Variants in DDX1 observed in about 807,000 individuals in gnomAD.
DDX1 encodes the protein ATP-dependent RNA helicase DDX1.
A neutral mutation model predicts 108.7 loss-of-function variants in DDX1; 28 were observed. That is an observed-to-expected ratio of 0.26 (90% CI 0.19 to 0.35). The LOEUF (loss-of-function observed/expected upper bound fraction) is 0.35, where lower values mean the gene tolerates loss of function less well. Among genes scored for constraint, DDX1 ranks in the 10% least tolerant of loss-of-function variants. The pLI is 1.00. For missense variants in DDX1, 710 were observed against 884.5 expected (o/e 0.80, Z 2.50); for synonymous variants, 295 against 288.9 (o/e 1.02, Z -0.21).
intron 12 of DDX1, 48 bp downstream of exon 12, chr2:15,606,312 G>A (rs1416354437): frequency 7.4e-7 from 1 of 1,357,794 alleles, no homozygotes; most frequent in Non-Finnish European, 1.0e-6. Context: ...GAGAATAATT[G>A]ATGAGAACTC....
intron 20 of DDX1, 61 bp downstream of exon 20, chr2:15,627,206 AGCAGTTTTAATTAAT>A: frequency 1.0e-6 from 1 of 974,314 alleles, no homozygotes; most frequent in Admixed American, 2.4e-5. Flanking sequence ...TCTAGTTTTA[AGCAGTTTTAATTAAT>A]ATTATTAAAG....
Position 15,628,356 on chromosome 2 carries a change from A to G in DDX1, c.1687-89A>G, listed in dbSNP as rs186015366. The G allele has an allele frequency of 9.6e-5, 91 of 949,574 alleles. 1 individual carries two copies. The East Asian group carries it at 2.2e-3, about 22-fold the overall frequency. 58.8% of individuals were successfully genotyped at this position (949,574 alleles called of 1,614,324 possible). A position where few individuals can be genotyped will look rare whatever the true frequency, so the allele number is the denominator to read the frequency against. On this transcript the variant is annotated intron_variant, in intron 20 of 25. Coordinates refer to ENST00000233084, the MANE Select transcript of DDX1 (RefSeq NM_004939.3). ...CTGATAGTAACACTTGAGTTTTTAGAGGTCTCATTTAGTGGAAGGATAGCA... is the reference window on the plus strand; with the variant it reads ...CTGATAGTAACACTTGAGTTTTTAGGGGTCTCATTTAGTGGAAGGATAGCA...
rs144372187 is a variant in DDX1 at position 15,609,705 on chromosome 2, A to C, written c.956+2392A>C. 1.6e-3 allele frequency among the ~76,000 whole-genome samples: 247 copies of C among 152,244 alleles called. 3 individuals carry two copies. Among genetic ancestry groups the C allele is most frequent in the African/African-American group, 5.8e-3 (241 of 41,516 alleles). On this transcript the variant is annotated intron_variant, in intron 13 of 25. Coordinates refer to ENST00000233084, the MANE Select transcript of DDX1 (RefSeq NM_004939.3). ...ACCTTCTGCCAAGTTTATAGGGATA[A>C]ATATATCTGATTATAAATGTGGATA... is the stretch of plus-strand genomic sequence containing the variant.
intron 19 of DDX1, among the ~76,000 whole-genome samples, chr2:15,624,868 A>C (rs1666073332): frequency 6.6e-6 from 1 of 152,194 alleles, no homozygotes; most frequent in South Asian, 2.1e-4. Context: ...TGAGAATATA[A>C]AATGGTATGA....
intron 6 of DDX1, among the ~76,000 whole-genome samples, chr2:15,600,719 T>C (rs1420243084): frequency 6.6e-6 from 1 of 151,266 alleles, no homozygotes; most frequent in Non-Finnish European, 1.5e-5. Context: ...GACTGTATAC[T>C]TTTTTTCTTA....
At chr2:15,592,076 T>G (rs1369027463) in intron 1 of DDX1, 127 bp downstream of exon 1, 3 of 908,286 alleles carry the variant, frequency 3.3e-6, no homozygotes, top group Non-Finnish European at 4.5e-6. Context: ...CGCTGTCCGC[T>G]GCAGTCCCTG....
At chr2:15,597,696 C>T (rs1036241256) in intron 5 of DDX1, among the ~76,000 whole-genome samples, 1 of 152,154 alleles carries the variant, frequency 6.6e-6, no homozygotes, top group African/African-American at 2.4e-5. Flanking sequence ...TTTGAGAAAA[C>T]ACTAGCATTT....
intron 19 of DDX1, among the ~76,000 whole-genome samples, chr2:15,624,010 A>G (rs1286807685): frequency 2.0e-5 from 3 of 152,286 alleles, no homozygotes; most frequent in Admixed American, 2.0e-4. Context: ...ATTATAGAAT[A>G]AGATCAATGT....
chr2:15,604,218 C>T (rs759967829), intron 9 of DDX1, among the ~76,000 whole-genome samples: 34 of 152,154 alleles, frequency 2.2e-4, no homozygotes, highest in Admixed American at 1.4e-3. Flanking sequence ...AAATATAGTT[C>T]GTCTGGTGAG....
intron 5 of DDX1, among the ~76,000 whole-genome samples, chr2:15,597,745 C>CT (rs1177314735): frequency 6.6e-6 from 1 of 152,010 alleles, no homozygotes; most frequent in Non-Finnish European, 1.5e-5. Flanking sequence ...TTTTCTTAAC[C>CT]TTATAACTTT....
chr2:15,631,034 C>A lies in DDX1; in HGVS notation c.*128C>A. The A allele has an allele frequency of 3.8e-6, 3 of 785,908 alleles. No homozygotes were observed. The highest frequency in any genetic ancestry group is 3.4e-5 in the South Asian group (1 of 29,736). The allele number at this position is 785,908 out of a possible 1,614,324, so 48.7% of individuals were successfully genotyped here. On this transcript the variant is annotated 3_prime_UTR_variant, in exon 26 of 26. Coordinates refer to ENST00000233084, the MANE Select transcript of DDX1 (RefSeq NM_004939.3). ...GCTATTAATGCTAACTCTTGCATGT[C>A]AAGAAACATTAGTCTTAGGAATTCT...
At chr2:15,612,690 A>G (rs1665796225) in intron 13 of DDX1, among the ~76,000 whole-genome samples, 1 of 152,132 alleles carries the variant, frequency 6.6e-6, no homozygotes, top group South Asian at 2.1e-4. Context: ...AGCCGAGATC[A>G]CGCCACTGCA....
intron 14 of DDX1, among the ~76,000 whole-genome samples, chr2:15,613,697 G>A (rs57670756): frequency 0.24 from 36,462 of 151,996 alleles, 5,382 homozygotes; most frequent in African/African-American, 0.42. Flanking sequence ...TAAGACAGTG[G>A]GTAATAGTTC....
At chr2:15,596,866 A>G in intron 4 of DDX1, 103 bp downstream of exon 4, 1 of 881,472 alleles carries the variant, frequency 1.1e-6, no homozygotes, top group Non-Finnish European at 1.8e-6. Context: ...AGCAACCTCC[A>G]AAAGGTAAGG....
At chr2:15,612,793 T>A (rs1573044874) in intron 13 of DDX1, among the ~76,000 whole-genome samples, 1 of 152,270 alleles carries the variant, frequency 6.6e-6, no homozygotes, top group Middle Eastern at 3.4e-3. Flanking sequence ...TCACTCGCGG[T>A]TAGGAGCTGG....
chr2:15,595,588 G>C, intron 3 of DDX1, 35 bp downstream of exon 3: 1 of 1,412,966 alleles, frequency 7.1e-7, no homozygotes, highest in Non-Finnish European at 1.0e-6. Flanking sequence ...TTGGTAGCTG[G>C]GGACACACTC....
intron 10 of DDX1, 95 bp downstream of exon 10, chr2:15,604,604 T>C: frequency 2.6e-6 from 2 of 774,358 alleles, no homozygotes; most frequent in Admixed American, 3.8e-5. Context: ...CAAATCCCCG[T>C]CCCTCCCTCC....
chr2:15,591,915 C>G lies in DDX1; in HGVS notation c.-19C>G, dbSNP rs369821702. 42 of 1,457,012 alleles carry G rather than the reference C, an allele frequency of 2.9e-5. No homozygotes were observed. The African/African-American group carries it at 5.7e-4, about 20-fold the overall frequency. 90.3% of individuals were successfully genotyped at this position (1,457,012 alleles called of 1,614,324 possible). A position where few individuals can be genotyped will look rare whatever the true frequency, so the allele number is the denominator to read the frequency against. On this transcript the variant is annotated 5_prime_UTR_variant, in exon 1 of 26. Coordinates refer to ENST00000233084, the MANE Select transcript of DDX1 (RefSeq NM_004939.3). ...GAGGGAGGGAGCGAGCAGGCGAAGC[C>G]GCGGAGGACGGGGTGAAGATGGCGG...
chr2:15,599,746 T>C (rs1294235878), intron 6 of DDX1, 30 bp downstream of exon 6: 1 of 1,542,912 alleles, frequency 6.5e-7, no homozygotes, highest in African/African-American at 1.4e-5. Flanking sequence ...ATCAGCTCAT[T>C]TGTAATTCAG....
Sources: gnomAD v4.1 joint callset for allele counts (sites outside exome capture counted in the v4.1 genomes callset) on GRCh38, gnomAD v4.1.1 for gene constraint, MANE v1.5 for transcripts, NCBI Gene and HGNC (gene_info 2026-07-23, HGNC 2026-07-21) for gene names.